The following GRIP1 variants were observed in gnomAD, a reference collection of about 807,000 sequenced individuals.
GRIP1 encodes glutamate receptor interacting protein 1, also known as glutamate receptor-interacting protein 1.
GRIP1 carries 45 observed loss-of-function variants against 129.9 expected under a neutral mutation model. That is an observed-to-expected ratio of 0.35 (90% CI 0.27 to 0.44). The LOEUF (loss-of-function observed/expected upper bound fraction) is 0.44. GRIP1 is among the 20% of genes least tolerant of loss of function. The pLI, the probability that GRIP1 is intolerant of heterozygous loss-of-function variation, is 1.00. For missense variants in GRIP1, 1,196 were observed against 1,396.8 expected, an observed-to-expected ratio of 0.86 and a Z score of 2.29; for synonymous variants, 530 against 520.8, an observed-to-expected ratio of 1.02 and a Z score of -0.24.
chr12:66,406,941 T>G (rs577447238), intron 15 of GRIP1, among the ~76,000 whole-genome samples: 1 of 152,218 alleles, frequency 6.6e-6, no homozygotes, highest in African/African-American at 2.4e-5. Context: ...GATGAATCCA[T>G]AGCTTCTTAT....
chr12:66,887,906 G>C lies in GRIP1; in HGVS notation c.58+181144C>G, dbSNP rs558429897. Among the ~76,000 whole-genome samples the C allele has an allele frequency of 9.8e-4, 150 of 152,292 alleles. 3 individuals are homozygous for C. In the South Asian group the frequency reaches 0.029, roughly 30 times the overall value. ...TTAAATTTAGATAACAATAGGCCCA[G>C]ATCAGCAGCTGTCTGTCCTTGGTGT... On this transcript the variant is annotated intron_variant, in intron 1 of 1. Transcript: ENST00000643019.
At chr12:66,605,845 C>T (rs2064499573) in intron 1 of GRIP1, among the ~76,000 whole-genome samples, 2 of 152,134 alleles carry the variant, frequency 1.3e-5, no homozygotes, top group Non-Finnish European at 2.9e-5. Flanking sequence ...AGTATTATCA[C>T]CACTGTTTAG....
chr12:66,823,494 G>A (rs1307037332), intron 1 of GRIP1, among the ~76,000 whole-genome samples: 2 of 151,782 alleles, frequency 1.3e-5, no homozygotes, highest in Non-Finnish European at 2.9e-5. Flanking sequence ...CAGCTTCCTT[G>A]GTTTATTAAA....
chr12:66,693,490 C>T (rs1034476973), intron 1 of GRIP1, among the ~76,000 whole-genome samples: 6 of 152,248 alleles, frequency 3.9e-5, no homozygotes, highest in South Asian at 2.1e-4. Context: ...CTGTTATCTG[C>T]CTGGCCCTTG....
At chr12:66,417,624 A>C (rs2057654853) in intron 15 of GRIP1, among the ~76,000 whole-genome samples, 1 of 152,220 alleles carries the variant, frequency 6.6e-6, no homozygotes, top group Non-Finnish European at 1.5e-5. Context: ...ATACAAAATC[A>C]GTAGCATTTC....
At chr12:66,658,819 G>A (rs2033325897) in intron 1 of GRIP1, among the ~76,000 whole-genome samples, 1 of 151,812 alleles carries the variant, frequency 6.6e-6, no homozygotes, top group Non-Finnish European at 1.5e-5. Flanking sequence ...AACTACCTGG[G>A]AGGCTGAGGG....
intron 1 of GRIP1, among the ~76,000 whole-genome samples, chr12:66,965,166 C>T (rs1319694216): frequency 6.6e-6 from 1 of 151,662 alleles, no homozygotes. Flanking sequence ...TTTTTTTTGC[C>T]TGTGGCCCTA....
intron 2 of GRIP1, among the ~76,000 whole-genome samples, chr12:66,593,868 A>T (rs2139734042): frequency 6.6e-6 from 1 of 152,084 alleles, no homozygotes; most frequent in South Asian, 2.1e-4. Context: ...TGAGATGGAG[A>T]CCATCCTGGT....
intron 1 of GRIP1, among the ~76,000 whole-genome samples, chr12:67,054,108 T>G (rs897592489): frequency 6.6e-6 from 1 of 152,174 alleles, no homozygotes; most frequent in South Asian, 2.1e-4. Context: ...AGGCAAGATA[T>G]GGAATATAAA....
intron 19 of GRIP1, among the ~76,000 whole-genome samples, chr12:66,383,954 T>A (rs1001302771): frequency 6.6e-6 from 1 of 152,192 alleles, no homozygotes; most frequent in Admixed American, 6.5e-5. Context: ...GTAACTGTCT[T>A]GGACTATGAG....
chr12:66,525,592 C>G (rs1310585197), intron 5 of GRIP1, among the ~76,000 whole-genome samples: 1 of 151,416 alleles, frequency 6.6e-6, no homozygotes, highest in Non-Finnish European at 1.5e-5. Flanking sequence ...TGGGCAAAAA[C>G]TGGAAGCATT....
At chr12:66,572,755 T>C (rs959036483) in intron 2 of GRIP1, among the ~76,000 whole-genome samples, 1 of 152,154 alleles carries the variant, frequency 6.6e-6, no homozygotes, top group African/African-American at 2.4e-5. Flanking sequence ...TGTGAGAAAC[T>C]AATCCTCCCA....
intron 1 of GRIP1, among the ~76,000 whole-genome samples, chr12:66,935,737 G>GA (rs959580399): frequency 9.2e-5 from 14 of 152,270 alleles, no homozygotes; most frequent in African/African-American, 3.4e-4. Flanking sequence ...TGACGTACAG[G>GA]AATCGGAAGT....
chr12:67,024,106 C>G (rs2042906399), intron 1 of GRIP1, among the ~76,000 whole-genome samples: 1 of 150,598 alleles, frequency 6.6e-6, no homozygotes. Context: ...ACTTGGGGAT[C>G]TTTGAATCCT....
intron 1 of GRIP1, among the ~76,000 whole-genome samples, chr12:66,656,895 T>C (rs893852941): frequency 6.6e-6 from 1 of 152,134 alleles, no homozygotes; most frequent in African/African-American, 2.4e-5. Flanking sequence ...GTATTTAGTC[T>C]CACTTGGTTT....
chr12:66,861,667 T>C (rs1006626188), intron 1 of GRIP1, among the ~76,000 whole-genome samples: 1 of 152,118 alleles, frequency 6.6e-6, no homozygotes, highest in Non-Finnish European at 1.5e-5. Flanking sequence ...TACATGAGTA[T>C]TGTCTTCATC....
intron 1 of GRIP1, among the ~76,000 whole-genome samples, chr12:66,976,226 A>C (rs1306470703): frequency 6.6e-6 from 1 of 152,148 alleles, no homozygotes; most frequent in African/African-American, 2.4e-5. Flanking sequence ...GGCTATTATC[A>C]GTTTTTCTCA....
chr12:66,773,955 G>A (rs939841583), intron 1 of GRIP1, among the ~76,000 whole-genome samples: 1 of 151,976 alleles, frequency 6.6e-6, no homozygotes, highest in African/African-American at 2.4e-5. Context: ...AAATGATGAA[G>A]ATCCAAGAAC....
intron 15 of GRIP1, 141 bp from the exon 16 acceptor site, chr12:66,406,569 C>A (rs2137663297): frequency 1.2e-6 from 1 of 828,080 alleles, no homozygotes; most frequent in Admixed American, 1.8e-5. Flanking sequence ...ACTTCATTGA[C>A]AACTCCCTCC....
Sources: allele counts gnomAD v4.1 joint callset (sites outside exome capture counted in the v4.1 genomes callset), GRCh38; gene constraint gnomAD v4.1.1; transcripts MANE v1.5; gene names NCBI Gene and HGNC (gene_info 2026-07-23, HGNC 2026-07-21).